Variants in L2HGDH observed in about 807,000 individuals in gnomAD.
L2HGDH encodes L-2-hydroxyglutarate dehydrogenase, mitochondrial.
L2HGDH carries 34 observed loss-of-function variants against 51.5 expected under a neutral mutation model. The observed-to-expected ratio is 0.66, with a 90% CI of 0.50 to 0.88. The LOEUF is 0.88. Ranked by LOEUF, L2HGDH falls within the 40% of genes least tolerant of loss-of-function variation. The probability of loss-of-function intolerance (pLI) is 0.00; values close to 1 mark genes in which losing one functional copy is unlikely to be tolerated. For missense variants in L2HGDH, 558 were observed against 571.9 expected, an observed-to-expected ratio of 0.98 and a Z score of 0.25; for synonymous variants, 198 against 197.9, an observed-to-expected ratio of 1.00 and a Z score of -0.01.
At position 50,246,960 on chromosome 14, in the gene L2HGDH, C is replaced by T. The variant is rs1460837113; in HGVS notation, c.*98G>A. 1.8e-5 allele frequency: 27 copies of T among 1,460,412 alleles called. No individual in the cohort carries two copies. In the South Asian group the frequency reaches 1.9e-4, roughly 10 times the overall value. The allele number at this position is 1,460,412 out of a possible 1,614,324, so 90.5% of individuals were successfully genotyped here. On this transcript the variant is annotated 3_prime_UTR_variant, in exon 10 of 10. Transcript: ENST00000267436. ...GCAGTGGTTATCTTTGACCTAAAAACTAAAGTTTAAAAACCATTTTTTAAA... is the reference window on the plus strand; with the variant it reads ...GCAGTGGTTATCTTTGACCTAAAAATTAAAGTTTAAAAACCATTTTTTAAA...
At chr14:50,262,948 C>T (rs916440045) in intron 9 of L2HGDH, among the ~76,000 whole-genome samples, 1 of 152,108 alleles carries the variant, frequency 6.6e-6, no homozygotes, top group Non-Finnish European at 1.5e-5. Flanking sequence ...AGTGCTGTGC[C>T]CTTTTCTACT....
intron 7 of L2HGDH, 150 bp from the exon 8 acceptor site, chr14:50,268,060 C>T (rs937531430): frequency 6.1e-6 from 5 of 826,088 alleles, no homozygotes; most frequent in African/African-American, 5.1e-5. Flanking sequence ...CATTAACATG[C>T]TTCTGCTTAG....
At chr14:50,271,578 C>T (rs746639076) in intron 6 of L2HGDH, among the ~76,000 whole-genome samples, 5 of 152,144 alleles carry the variant, frequency 3.3e-5, no homozygotes, top group East Asian at 1.9e-4. Flanking sequence ...CGGTGGCTCA[C>T]GCCTGTAGTC....
chr14:50,278,752 T>C (rs1227102426), intron 5 of L2HGDH, among the ~76,000 whole-genome samples, 198 bp from the exon 6 acceptor site: 2 of 152,242 alleles, frequency 1.3e-5, no homozygotes, highest in Non-Finnish European at 2.9e-5. Context: ...AGCATGTTTT[T>C]AGCTTGATTT....
intron 4 of L2HGDH, among the ~76,000 whole-genome samples, chr14:50,288,963 T>C (rs1276234730): frequency 6.6e-6 from 1 of 152,212 alleles, no homozygotes; most frequent in Admixed American, 6.5e-5. Context: ...CTCAATAGTT[T>C]TGTAATGCAC....
At chr14:50,265,549 C>G in intron 8 of L2HGDH, 60 bp from the exon 9 acceptor site, 2 of 1,373,360 alleles carry the variant, frequency 1.5e-6, no homozygotes, top group South Asian at 1.3e-5. Context: ...CGTAAAATAC[C>G]TTTATAATTA....
intron 5 of L2HGDH, among the ~76,000 whole-genome samples, chr14:50,283,123 C>T (rs1295416971): frequency 6.6e-6 from 1 of 151,886 alleles, no homozygotes; most frequent in Non-Finnish European, 1.5e-5. Context: ...ATCACTTGAG[C>T]CTGGGAGGTG....
At chr14:50,247,830 A>T (rs1425727011) in intron 9 of L2HGDH, among the ~76,000 whole-genome samples, 1 of 152,156 alleles carries the variant, frequency 6.6e-6, no homozygotes, top group Non-Finnish European at 1.5e-5. Flanking sequence ...GATCATCTTC[A>T]ATTTCAAAAG....
At chr14:50,268,381 G>GAAAAAAA (rs769880130) in intron 7 of L2HGDH, among the ~76,000 whole-genome samples, 5 of 67,920 alleles carry the variant, frequency 7.4e-5, no homozygotes, top group Admixed American at 1.8e-4. Flanking sequence ...TCTGTCTCAG[G>GAAAAAAA]AAAAAAAAAA....
chr14:50,263,692 A>G (rs1018869770), intron 9 of L2HGDH, among the ~76,000 whole-genome samples: 4 of 152,192 alleles, frequency 2.6e-5, no homozygotes, highest in African/African-American at 9.7e-5. Context: ...GTGAACACTA[A>G]AAACATTACC....
Position 50,284,105 on chromosome 14 carries a change from A to G in L2HGDH, c.541-72T>C, listed in dbSNP as rs987377871. ...GCTAAATAACAAAATCTCTATAATC[A>G]AGAAACAATTTTGTCCTTTAGAGGA... On this transcript the variant is annotated intron_variant, in intron 4 of 9. Transcript: ENST00000267436. 2.3e-5 allele frequency: 34 copies of G among 1,472,384 alleles called. No homozygotes were observed. The African/African-American group carries it at 4.6e-4, about 20-fold the overall frequency. The allele number at this position is 1,472,384 out of a possible 1,614,324, so 91.2% of individuals were successfully genotyped here.
chr14:50,272,247 A>G (rs1332536775), intron 6 of L2HGDH, among the ~76,000 whole-genome samples: 1 of 152,236 alleles, frequency 6.6e-6, no homozygotes, highest in African/African-American at 2.4e-5. Context: ...ATGCCAAAAT[A>G]AAGAATGGCA....
chr14:50,246,122 T>TG lies in L2HGDH; in HGVS notation c.*935dup, dbSNP rs1482840488. Reference sequence around the variant, plus strand: ...TGGGCAACAAGAGTGAAACTCCGTCTGAAAAAAAAAATAAATAAAAGTCAG... The same window carrying TG: ...TGGGCAACAAGAGTGAAACTCCGTCTGGAAAAAAAAAATAAATAAAAGTCAG... On this transcript the variant is annotated 3_prime_UTR_variant, in exon 10 of 10. Coordinates refer to ENST00000267436, the MANE Select transcript of L2HGDH (RefSeq NM_024884.3). The TG allele has an allele frequency of 6.8e-6, 1 of 147,806 alleles. No homozygotes were observed. The highest frequency in any genetic ancestry group is 1.5e-5 in the Non-Finnish European group (1 of 67,022). 9.2% of individuals were successfully genotyped at this position (147,806 alleles called of 1,614,324 possible). A position where few individuals can be genotyped will look rare whatever the true frequency, so the allele number is the denominator to read the frequency against.
chr14:50,311,474 T>C lies in L2HGDH; in HGVS notation c.140+537A>G, dbSNP rs1412545111. 4 of 456,016 alleles carry C rather than the reference T, an allele frequency of 8.8e-6. No homozygotes were observed. In the Admixed American group the frequency reaches 9.4e-5, roughly 11 times the overall value. 28.2% of individuals were successfully genotyped at this position (456,016 alleles called of 1,614,324 possible). ...AAAGACAATGGTTTCGAATGTGACG[T>C]CCAAACTATAAATCACAGGACACTG... is the stretch of plus-strand genomic sequence containing the variant. On this transcript the variant is annotated intron_variant, in intron 1 of 9. Coordinates refer to ENST00000267436, the MANE Select transcript of L2HGDH (RefSeq NM_024884.3).
intron 1 of L2HGDH, among the ~76,000 whole-genome samples, chr14:50,310,146 T>A (rs77039032): frequency 0.018 from 2,782 of 152,274 alleles, 82 homozygotes; most frequent in African/African-American, 0.063. Flanking sequence ...AATTTCCTAG[T>A]TTTGATATTG....
chr14:50,265,286 A>T, intron 9 of L2HGDH, 72 bp downstream of exon 9: 1 of 1,344,392 alleles, frequency 7.4e-7, no homozygotes, highest in Non-Finnish European at 1.1e-6. Flanking sequence ...CTTACTAATC[A>T]CCAAGTCAGA....
rs747924080 is a variant in L2HGDH, at chr14:50,249,882, CTTTTTTTTTTTTTTTTTTT to C, written c.1197-2648_1197-2630del. On this transcript the variant is annotated intron_variant, in intron 9 of 9. Transcript: ENST00000267436. ...GGTCCCCAAGTCAAGGCTTACACTC[CTTTTTTTTTTTTTTTTTTT>C]TTTTTTTTTTTTTTTTGTGAGACAG... Among the ~76,000 whole-genome samples the C allele has an allele frequency of 1.2e-4, 8 of 68,960 alleles. No individual in the cohort carries two copies. The South Asian group carries it at 2.2e-3, about 19-fold the overall frequency. 45.2% of individuals were successfully genotyped at this position (68,960 alleles called of 152,430 possible).
chr14:50,270,178 G>A (rs534198516), intron 6 of L2HGDH, among the ~76,000 whole-genome samples: 5 of 152,244 alleles, frequency 3.3e-5, no homozygotes, highest in Non-Finnish European at 5.9e-5. Context: ...TACGTTCAAC[G>A]TTTGCTTTAG....
chr14:50,284,089 C>CA, intron 4 of L2HGDH, 56 bp from the exon 5 acceptor site: 1 of 1,530,718 alleles, frequency 6.5e-7, no homozygotes, highest in East Asian at 2.3e-5. Context: ...TGCTAAATAA[C>CA]AAAATCTCTA....
Sources: allele counts gnomAD v4.1 joint callset (sites outside exome capture counted in the v4.1 genomes callset), GRCh38; gene constraint gnomAD v4.1.1; transcripts MANE v1.5; gene names NCBI Gene and HGNC (gene_info 2026-07-23, HGNC 2026-07-21).